TBCD: variants seen among roughly 807,000 people sequenced by gnomAD.
The protein encoded by TBCD is tubulin-specific chaperone D.
Under a neutral mutation model 169.3 loss-of-function variants are expected in TBCD, and 105 were observed. The observed-to-expected ratio is 0.62, with a 90% confidence interval of 0.53 to 0.73. The LOEUF (loss-of-function observed/expected upper bound fraction) is 0.73, where lower values mean the gene tolerates loss of function less well. Ranked by LOEUF, TBCD falls within the 30% of genes least tolerant of loss-of-function variation. TBCD has a pLI of 0.00. For missense variants in TBCD, 1,444 were observed against 1,600.1 expected (o/e 0.90, Z 1.66); for synonymous variants, 700 against 643.9 (o/e 1.09, Z -1.32).
chr17:82,827,236 G>C (rs915992940), intron 13 of TBCD, among the ~76,000 whole-genome samples: 1 of 152,236 alleles, frequency 6.6e-6, no homozygotes, highest in African/African-American at 2.4e-5. Context: ...TCAGTAGGGT[G>C]GCCTCAGTCC....
At chr17:82,879,086 T>A (rs1386065863) in intron 14 of TBCD, among the ~76,000 whole-genome samples, 43 of 149,636 alleles carry the variant, frequency 2.9e-4, no homozygotes, top group African/African-American at 1.0e-3. Context: ...TTTTCTTTTT[T>A]CCTGAGCCTT....
chr17:82,937,897 A>C, intron 35 of TBCD, 152 bp from the exon 36 acceptor site: 1 of 1,523,950 alleles, frequency 6.6e-7, no homozygotes, highest in Non-Finnish European at 8.8e-7. Context: ...AGATGTACGC[A>C]CACACACACC....
intron 17 of TBCD, 71 bp from the exon 18 acceptor site, chr17:82,900,580 G>T (rs2059820102): frequency 3.2e-6 from 4 of 1,244,196 alleles, no homozygotes; most frequent in South Asian, 1.2e-5. Context: ...TAACTGTGCT[G>T]AATTCCCACC....
intron 23 of TBCD, chr17:82,912,946 T>C (rs1298772950): frequency 1.3e-5 from 2 of 152,302 alleles, no homozygotes; most frequent in African/African-American, 4.8e-5. Flanking sequence ...GTCAGAGGCA[T>C]GGGACTGCCA....
chr17:82,899,361 T>TGCATCCTCAGC (rs2059734701), intron 17 of TBCD, among the ~76,000 whole-genome samples: 1 of 149,612 alleles, frequency 6.7e-6, no homozygotes, highest in Non-Finnish European at 1.5e-5. Context: ...GTGTCCGCAG[T>TGCATCCTCAGC]GCGTCCTCAG....
chr17:82,783,618 C>T (rs912444706), intron 7 of TBCD, among the ~76,000 whole-genome samples: 1 of 152,190 alleles, frequency 6.6e-6, no homozygotes, highest in Non-Finnish European at 1.5e-5. Flanking sequence ...CAGCCTTTTG[C>T]GTCTGGCCTT....
At chr17:82,870,422 C>CT (rs1478583981) in intron 14 of TBCD, 42 bp downstream of exon 14, 1 of 1,593,610 alleles carries the variant, frequency 6.3e-7, no homozygotes, top group African/African-American at 1.3e-5. Flanking sequence ...GCCGTGCCCC[C>CT]TGACGGCGCC....
chr17:82,828,424 A>G (rs77644094), intron 13 of TBCD, among the ~76,000 whole-genome samples: 3,370 of 150,820 alleles, frequency 0.022, 125 homozygotes, highest in African/African-American at 0.077. Context: ...ACCCGCAGAT[A>G]TGTACACGTG....
chr17:82,793,375 G>C (rs2049882807), intron 7 of TBCD, among the ~76,000 whole-genome samples: 1 of 152,206 alleles, frequency 6.6e-6, no homozygotes, highest in Non-Finnish European at 1.5e-5. Flanking sequence ...GTCCTGTCTA[G>C]GGCAACTGCT....
intron 13 of TBCD, chr17:82,840,638 TGCGGAGCA>T (rs1397076943): frequency 6.6e-6 from 1 of 152,270 alleles, no homozygotes; most frequent in Non-Finnish European, 1.5e-5. Context: ...CCGCAAGAGC[TGCGGAGCA>T]GGGTGTGTGG....
At chr17:82,924,341 A>C (rs1035414446) in intron 26 of TBCD, among the ~76,000 whole-genome samples, 4 of 152,042 alleles carry the variant, frequency 2.6e-5, no homozygotes, top group African/African-American at 7.2e-5. Flanking sequence ...TTCCTTCTTT[A>C]TGAAAGTAGC....
intron 5 of TBCD, among the ~76,000 whole-genome samples, chr17:82,769,301 ACT>A (rs2048184476): frequency 6.6e-6 from 1 of 152,118 alleles, no homozygotes; most frequent in Non-Finnish European, 1.5e-5. Context: ...CAAGGGAGAA[ACT>A]CTGCTAATGA....
At chr17:82,919,594 A>C (rs1259599057) in intron 23 of TBCD, among the ~76,000 whole-genome samples, 1 of 152,002 alleles carries the variant, frequency 6.6e-6, no homozygotes, top group African/African-American at 2.4e-5. Context: ...GTGGACGGTG[A>C]GGGTGCCGGC....
Position 82,864,814 on chromosome 17 carries a change from C to T in TBCD, c.1319-5410C>T, listed in dbSNP as rs1196050154. Among the ~76,000 whole-genome samples, 3 of 114,596 alleles carry T rather than the reference C, an allele frequency of 2.6e-5. No individual in the cohort carries two copies. The highest frequency in any genetic ancestry group is 6.0e-5 in the Non-Finnish European group (3 of 50,280). 75.2% of individuals were successfully genotyped at this position (114,596 alleles called of 152,430 possible). On this transcript the variant is annotated intron_variant, in intron 13 of 38. Transcript: ENST00000355528. The surrounding 1 kb of genome is among the most constrained non-coding windows in gnomAD (Gnocchi z 6.3). ...CACAGGAAGGGCTGGGATCACCACT[C>T]CCCGGGGCACCGTGGGGACAGCGGG...
intron 13 of TBCD, among the ~76,000 whole-genome samples, chr17:82,826,014 C>A (rs2145139805): frequency 6.6e-6 from 1 of 152,350 alleles, no homozygotes; most frequent in African/African-American, 2.4e-5. Context: ...TTTTATTCTT[C>A]CTTTTTCTTC....
intron 13 of TBCD, among the ~76,000 whole-genome samples, chr17:82,819,282 T>C (rs1414060700): frequency 6.6e-6 from 1 of 152,208 alleles, no homozygotes; most frequent in African/African-American, 2.4e-5. Flanking sequence ...CTTTCTGCCC[T>C]TAGTCCTCTG....
chr17:82,877,127 C>G (rs1395625610), intron 14 of TBCD: 1 of 380,448 alleles, frequency 2.6e-6, no homozygotes, highest in Non-Finnish European at 3.6e-6. Flanking sequence ...GTAGTATTGG[C>G]TGGAGCCGGC....
chr17:82,847,350 G>A (rs1168155408), intron 13 of TBCD, among the ~76,000 whole-genome samples: 2 of 101,796 alleles, frequency 2.0e-5, no homozygotes, highest in African/African-American at 7.9e-5. Flanking sequence ...GAGACTCCAT[G>A]TCAAAGAAAA....
At chr17:82,846,606 G>A (rs568055298) in intron 13 of TBCD, among the ~76,000 whole-genome samples, 1 of 152,316 alleles carries the variant, frequency 6.6e-6, no homozygotes, top group Admixed American at 6.5e-5. Flanking sequence ...ACACAGGCTT[G>A]CTGGCTTGGG....
Sources: gnomAD v4.1 joint callset for allele counts (sites outside exome capture counted in the v4.1 genomes callset) on GRCh38, gnomAD v4.1.1 for gene constraint, Gnocchi (gnomAD v3.1) non-coding constraint, MANE v1.5 for transcripts, NCBI Gene and HGNC (gene_info 2026-07-23, HGNC 2026-07-21) for gene names.